CACNA2D4: variants seen among roughly 807,000 people sequenced by gnomAD.
CACNA2D4 encodes the protein calcium voltage-gated channel auxiliary subunit alpha2delta 4.
In CACNA2D4, 157 loss-of-function variants were observed where a neutral mutation model predicts 163.8. That is an observed-to-expected ratio of 0.96 (90% confidence interval 0.84 to 1.09). The LOEUF (loss-of-function observed/expected upper bound fraction) is 1.09. Among genes scored for constraint, CACNA2D4 ranks in the 50% least tolerant of loss-of-function variants. The pLI is 0.00. For synonymous variants in CACNA2D4, 598 were observed against 586.9 expected, an observed-to-expected ratio of 1.02 and a Z score of -0.27; for missense variants, 1,410 against 1,479.9, an observed-to-expected ratio of 0.95 and a Z score of 0.78.
chr12:1,857,881 A>G (rs1172365377), intron 20 of CACNA2D4, among the ~76,000 whole-genome samples: 1 of 152,212 alleles, frequency 6.6e-6, no homozygotes, highest in African/African-American at 2.4e-5. Context: ...GATCATTAGG[A>G]TAGGCCCTGA....
Position 1,810,545 on chromosome 12 carries a change from T to C in CACNA2D4, c.2656A>G (p.Ser886Gly), listed in dbSNP as rs1863672314. 6.4e-7 allele frequency: 1 copy of C among 1,553,388 alleles called. No individual in the cohort carries two copies. Among genetic ancestry groups the C allele is most frequent in the Non-Finnish European group, 8.7e-7 (1 of 1,147,956 alleles). ...DGPCTQSCED[S>G]DLDCFVIDNN... is the part of the protein sequence containing the mutation. ...TTCCTCACACGGGCAGAACTTACAC[T>C]GTCCTCGCAGCTCTGTGTGCACGGC... The change falls in exon 28 of 38, where the codon AGT becomes GGT. Residue 886 changes from serine to glycine, a missense_variant and splice_region_variant. Coordinates refer to ENST00000382722, the MANE Select transcript of CACNA2D4 (RefSeq NM_172364.5).
intron 35 of CACNA2D4, 138 bp downstream of exon 35, chr12:1,797,280 G>C: frequency 3.0e-6 from 2 of 674,504 alleles, no homozygotes; most frequent in Non-Finnish European, 5.2e-6. Flanking sequence ...CCGGGAGCGT[G>C]GGCTCTGCAC....
chr12:1,857,733 A>G (rs1865431790), intron 20 of CACNA2D4, among the ~76,000 whole-genome samples: 1 of 152,160 alleles, frequency 6.6e-6, no homozygotes. Context: ...GTTCTCTGCC[A>G]TCTCACTTTG....
intron 30 of CACNA2D4, 95 bp downstream of exon 30, chr12:1,801,479 T>C: frequency 1.9e-6 from 2 of 1,063,072 alleles, no homozygotes; most frequent in Non-Finnish European, 2.8e-6. Context: ...CTGTGGGTTT[T>C]GGAGGTCAGG....
At chr12:1,892,182 C>G (rs1565732583) in intron 6 of CACNA2D4, among the ~76,000 whole-genome samples, 1 of 152,120 alleles carries the variant, frequency 6.6e-6, no homozygotes, top group African/African-American at 2.4e-5. Context: ...TAGTTGCTTA[C>G]AAGGGAACTT....
chr12:1,884,470 C>T (rs2154449724), intron 11 of CACNA2D4, 149 bp from the exon 12 acceptor site: 4 of 699,084 alleles, frequency 5.7e-6, no homozygotes, highest in Non-Finnish European at 1.0e-5. Context: ...GGCAGCAACA[C>T]AATTCGCCCA....
At chr12:1,805,489 C>G (rs1344751297) in intron 29 of CACNA2D4, among the ~76,000 whole-genome samples, 4 of 152,320 alleles carry the variant, frequency 2.6e-5, no homozygotes, top group African/African-American at 9.6e-5. Context: ...ACACTCAAGT[C>G]CCTGTGTCTG....
chr12:1,797,704 G>C, intron 34 of CACNA2D4, 169 bp from the exon 35 acceptor site: 69 of 612,584 alleles, frequency 1.1e-4, no homozygotes, highest in East Asian at 1.2e-4. Context: ...TGAGGGGAGG[G>C]AAGACACCCG....
intron 26 of CACNA2D4, 68 bp from the exon 27 acceptor site, chr12:1,811,791 TAA>T (rs200739422): frequency 0.038 from 56,225 of 1,466,000 alleles, 1,315 homozygotes; most frequent in Middle Eastern, 0.047. Flanking sequence ...AGAGTCAAGT[TAA>T]AGAGAGGAGG....
In CACNA2D4 at chr12:1,828,225, C is replaced by A; in HGVS notation, c.2551+12514G>T. 5 of 1,537,730 alleles carry A rather than the reference C, an allele frequency of 3.3e-6. No individual in the cohort carries two copies. The highest frequency in any genetic ancestry group is 4.4e-6 in the Non-Finnish European group (5 of 1,141,194). On this transcript the variant is annotated intron_variant, in intron 26 of 37. Transcript: ENST00000382722. This position sits in a 1 kb window ranked among gnomAD's most constrained non-coding sequence, Gnocchi z 4.2. The stretch of plus-strand genomic sequence containing the variant: ...TGGAGGCAAGTCTCCTGTGAGTACA[C>A]CCCTGGCCTCGGAGGGGGGTGCGGG...
intron 6 of CACNA2D4, among the ~76,000 whole-genome samples, chr12:1,893,391 C>T (rs547033671): frequency 4.6e-5 from 7 of 152,164 alleles, no homozygotes; most frequent in South Asian, 2.1e-4. Flanking sequence ...TGGTGGTGGG[C>T]GCCTGTAATC....
intron 6 of CACNA2D4, among the ~76,000 whole-genome samples, chr12:1,890,514 T>C (rs1198517594): frequency 6.6e-6 from 1 of 152,242 alleles, no homozygotes; most frequent in Non-Finnish European, 1.5e-5. Flanking sequence ...GCCGTTGCAC[T>C]GTGGGCTGCT....
rs1356863731 is a variant in CACNA2D4, at chr12:1,858,639, C to T, written c.1946G>A (p.Gly649Glu). ...TCCGTGGCCCCGGGACAGCACCACC[C>T]CCAAACTGTGGGGAGAGAAGAGAAG... is the stretch of plus-strand genomic sequence containing the variant. ...TDISDTPFSL[G>E]VVLSRGHGEY... Residue 649 changes from glycine to glutamate, a missense_variant, in exon 20 of 38, where the codon GGG (glycine) becomes GAG (glutamate). Gly to Glu is a moderately conservative substitution (Grantham distance 98). Transcript: ENST00000382722. 6.2e-6 allele frequency: 10 copies of T among 1,601,398 alleles called. No homozygotes were observed. Among genetic ancestry groups the T allele is most frequent in the African/African-American group, 2.7e-5 (2 of 74,608 alleles).
chr12:1,845,747 G>T (rs1865131168), intron 24 of CACNA2D4, among the ~76,000 whole-genome samples: 1 of 152,192 alleles, frequency 6.6e-6, no homozygotes, highest in Admixed American at 6.5e-5. Context: ...GATTCCCCCA[G>T]AACCCAGCCT....
chr12:1,876,236 C>G (rs1476002932), intron 16 of CACNA2D4, among the ~76,000 whole-genome samples: 1 of 152,214 alleles, frequency 6.6e-6, no homozygotes, highest in Non-Finnish European at 1.5e-5. Context: ...TTTATGGCAT[C>G]TGCCTTCTGC....
chr12:1,909,052 C>G (rs146732213), intron 4 of CACNA2D4, among the ~76,000 whole-genome samples: 211 of 152,312 alleles, frequency 1.4e-3, no homozygotes, highest in East Asian at 9.3e-3. Context: ...AAGGCTCAGG[C>G]TCCTACGCTG....
At chr12:1,906,547 G>A (rs923349405) in intron 6 of CACNA2D4, among the ~76,000 whole-genome samples, 1 of 152,218 alleles carries the variant, frequency 6.6e-6, no homozygotes, top group Non-Finnish European at 1.5e-5. Context: ...TCTGGACTGT[G>A]TTGTTTACAT....
Position 1,829,018 on chromosome 12 carries a change from G to A in CACNA2D4, c.2551+11721C>T, listed in dbSNP as rs1592687744. ...TCTGATCCAGCACCCAACACGGGCAGCCTGAATTATTCACCATGTGAGAGA... is the reference window on the plus strand; with the variant it reads ...TCTGATCCAGCACCCAACACGGGCAACCTGAATTATTCACCATGTGAGAGA... On this transcript the variant is annotated intron_variant, in intron 26 of 37. Transcript: ENST00000382722. The surrounding 1 kb of genome is among the most constrained non-coding windows in gnomAD (Gnocchi z 4.2). Among the ~76,000 whole-genome samples the A allele has an allele frequency of 6.6e-6, 1 of 152,350 alleles. No homozygotes were observed. Among genetic ancestry groups the A allele is most frequent in the East Asian group, 1.9e-4 (1 of 5,182 alleles).
chr12:1,839,263 T>C (rs1053282770), intron 26 of CACNA2D4, among the ~76,000 whole-genome samples: 27 of 152,260 alleles, frequency 1.8e-4, no homozygotes, highest in Non-Finnish European at 3.7e-4. Flanking sequence ...CCAGGATGGC[T>C]GAGCTCGAAT....
Sources: allele counts gnomAD v4.1 joint callset (sites outside exome capture counted in the v4.1 genomes callset), GRCh38; gene constraint gnomAD v4.1.1; non-coding constraint Gnocchi (gnomAD v3.1); transcripts MANE v1.5; gene names NCBI Gene and HGNC (gene_info 2026-07-23, HGNC 2026-07-21).